Variants in SQSTM1 observed in about 807,000 individuals in gnomAD.
SQSTM1 encodes sequestosome-1.
SQSTM1 carries 36 observed loss-of-function variants against 45.1 expected under a neutral mutation model. The ratio of observed to expected loss-of-function variants is 0.80; its 90% CI spans 0.61 to 1.05. The LOEUF is 1.05. SQSTM1 is among the 50% of genes least tolerant of loss of function. The pLI, the probability that SQSTM1 is intolerant of heterozygous loss-of-function variation, is 0.00. For synonymous variants in SQSTM1, 290 were observed against 244.3 expected (o/e 1.19, Z -1.74); for missense variants, 617 against 607.1 (o/e 1.02, Z -0.17).
chr5:179,832,347 CCT>C lies in SQSTM1; in HGVS notation c.755-682_755-681del, dbSNP rs752159925. On this transcript the variant is annotated intron_variant, in intron 5 of 7. Coordinates refer to ENST00000389805, the MANE Select transcript of SQSTM1 (RefSeq NM_003900.5). ...TCAAAAATAGTGCAGGTGATTCTCCCCTCTGTCCCTGGTGAGTCACGTGAGCC... is the reference window on the plus strand; with the variant it reads ...TCAAAAATAGTGCAGGTGATTCTCCCCTGTCCCTGGTGAGTCACGTGAGCC... Among the ~76,000 whole-genome samples, 8 of 152,330 alleles carry C rather than the reference CCT, an allele frequency of 5.3e-5. 1 individual carries two copies. The highest frequency in any genetic ancestry group is 1.2e-4 in the African/African-American group (5 of 41,580).
intron 4 of SQSTM1, among the ~76,000 whole-genome samples, chr5:179,824,588 C>T (rs534686897): frequency 6.6e-6 from 1 of 152,272 alleles, no homozygotes; most frequent in African/African-American, 2.4e-5. Flanking sequence ...TCTCAAGGTA[C>T]CCTGAGGTGC....
chr5:179,833,257 G>A lies in SQSTM1; in HGVS notation c.969+11G>A. The A allele has an allele frequency of 6.4e-7, 1 of 1,561,416 alleles. No homozygotes were observed. Among genetic ancestry groups the A allele is most frequent in the Non-Finnish European group, 8.6e-7 (1 of 1,158,118 alleles). On this transcript the variant is annotated intron_variant, in intron 6 of 7. Transcript: ENST00000389805. Reference sequence around the variant, plus strand: ...GAGGGGCGCCCTGAGGCAAGCCTGTGCCCCTCCCGCCACCTGGGACCACGG... The same window carrying A: ...GAGGGGCGCCCTGAGGCAAGCCTGTACCCCTCCCGCCACCTGGGACCACGG...
chr5:179,834,667 C>T (rs1418980580), intron 7 of SQSTM1, among the ~76,000 whole-genome samples: 18 of 152,036 alleles, frequency 1.2e-4, no homozygotes, highest in Admixed American at 6.5e-4. Context: ...CATCTTGCAC[C>T]GCCCTTAATC....
intron 4 of SQSTM1, among the ~76,000 whole-genome samples, 199 bp from the exon 5 acceptor site, chr5:179,824,947 G>A (rs1757933107): frequency 6.6e-6 from 1 of 152,050 alleles, no homozygotes; most frequent in Non-Finnish European, 1.5e-5. Context: ...TGGCACGGGA[G>A]AGTGGAGATG....
At chr5:179,833,808 A>ATATTCCTAC (rs770154138) in intron 7 of SQSTM1, 26 bp downstream of exon 7, 1 of 1,612,926 alleles carries the variant, frequency 6.2e-7, no homozygotes, top group East Asian at 2.2e-5. Context: ...GGTTTTGTAC[A>ATATTCCTAC]TATTCCTACC....
At chr5:179,809,325 AT>A (rs71001049) in intron 1 of SQSTM1, among the ~76,000 whole-genome samples, 73 of 41,064 alleles carry the variant, frequency 1.8e-3, no homozygotes, top group African/African-American at 7.0e-3. Flanking sequence ...CGCCTGGCTA[AT>A]TTTTTTTTTT....
At chr5:179,818,040 A>T (rs1757637571), upstream of SQSTM1, among the ~76,000 whole-genome samples, 4 of 146,514 alleles carry the variant, frequency 2.7e-5, no homozygotes, top group Admixed American at 2.1e-4. Flanking sequence ...AAAAAAAAAA[A>T]GTGATGTCCA....
rs1158244313 is a variant in SQSTM1 at position 179,837,955 on chromosome 5, T to C, written c.*1362T>C. 1.4e-6 allele frequency: 2 copies of C among 1,447,494 alleles called. No individual in the cohort carries two copies. Among genetic ancestry groups the C allele is most frequent in the East Asian group, 2.3e-5 (1 of 43,784 alleles). 89.7% of individuals were successfully genotyped at this position (1,447,494 alleles called of 1,614,324 possible). On this transcript the variant is annotated 3_prime_UTR_variant, in exon 8 of 8. Coordinates refer to ENST00000389805, the MANE Select transcript of SQSTM1 (RefSeq NM_003900.5). ...CAGGGCCCAGGAGGACCGCCTGCCCTGCCTGGGCCTTGGCTGGGCCTCTGG... is the reference window on the plus strand; with the variant it reads ...CAGGGCCCAGGAGGACCGCCTGCCCCGCCTGGGCCTTGGCTGGGCCTCTGG...
intron 1 of SQSTM1, among the ~76,000 whole-genome samples, chr5:179,809,467 G>C (rs1757326916): frequency 1.4e-5 from 2 of 147,938 alleles, no homozygotes; most frequent in Non-Finnish European, 3.0e-5. Flanking sequence ...CTCCTGAGTA[G>C]CTGGGATTAC....
chr5:179,824,439 C>T (rs567174), intron 4 of SQSTM1, 116 bp downstream of exon 4: 1 of 1,446,996 alleles, frequency 6.9e-7, no homozygotes. Flanking sequence ...CCCCCACCTT[C>T]CTGGTGCCCT....
At chr5:179,818,048 C>T (rs1418956894), upstream of SQSTM1, among the ~76,000 whole-genome samples, 1 of 139,984 alleles carries the variant, frequency 7.1e-6, no homozygotes, top group Non-Finnish European at 1.5e-5. Flanking sequence ...AAAGTGATGT[C>T]CAGTGCCTGG....
Position 179,824,231 on chromosome 5 carries a change from G to A in SQSTM1, c.581G>A (p.Gly194Glu), listed in dbSNP as rs770216826. ...CGGAAGGTGAAACACGGACACTTCGGGTGGCCAGGATGGGAAATGGGTCCA... is the reference window on the plus strand; with the variant it reads ...CGGAAGGTGAAACACGGACACTTCGAGTGGCCAGGATGGGAAATGGGTCCA... ...WLRKVKHGHF[G>E]WPGWEMGPPG... The change falls in exon 4 of 8, where the codon GGG (glycine) becomes GAG (glutamate). Residue 194 changes from glycine (G) to glutamate (E), a missense_variant. By Grantham distance (98) the Gly-to-Glu change is moderately conservative (BLOSUM62 -2). Transcript: ENST00000389805. 2 of 1,613,856 alleles carry A rather than the reference G, an allele frequency of 1.2e-6. No homozygotes were observed. The highest frequency in any genetic ancestry group is 1.7e-5 in the Admixed American group (1 of 60,034).
rs1387415599 is a variant in SQSTM1, at chr5:179,838,046, A to G, written c.*1453A>G. 18 of 657,016 alleles carry G rather than the reference A, an allele frequency of 2.7e-5. No homozygotes were observed. The South Asian group carries it at 3.1e-4, about 11-fold the overall frequency. 40.7% of individuals were successfully genotyped at this position (657,016 alleles called of 1,614,324 possible). On this transcript the variant is annotated 3_prime_UTR_variant, in exon 8 of 8. Transcript: ENST00000389805. Reference sequence around the variant, plus strand: ...CTTTGATTTTGAGGGTTAGCAAGACAAAGCAAATAAATGCCTTCCACCTCA... The same window carrying G: ...CTTTGATTTTGAGGGTTAGCAAGACGAAGCAAATAAATGCCTTCCACCTCA...
chr5:179,827,413 T>C (rs747748995), intron 5 of SQSTM1, among the ~76,000 whole-genome samples: 2 of 151,932 alleles, frequency 1.3e-5, no homozygotes, highest in Non-Finnish European at 2.9e-5. Context: ...GCCTCCCGAG[T>C]AGCTGGGACC....
intron 2 of SQSTM1, chr5:179,812,287 G>T (rs1757451351): frequency 6.7e-6 from 1 of 149,342 alleles, no homozygotes; most frequent in African/African-American, 2.6e-5. Context: ...CTCCTTCCAG[G>T]GCAGCAGTTG....
chr5:179,819,417 C>A (rs1443577741), upstream of SQSTM1, among the ~76,000 whole-genome samples: 3 of 152,072 alleles, frequency 2.0e-5, no homozygotes, highest in Non-Finnish European at 2.9e-5. Context: ...CAAAGGAGCT[C>A]CTTCTTGGGG....
chr5:179,833,334 C>T, intron 6 of SQSTM1, 88 bp downstream of exon 6: 1 of 1,309,468 alleles, frequency 7.6e-7, no homozygotes, highest in Non-Finnish European at 1.1e-6. Flanking sequence ...AGCACCTCTG[C>T]AGCCCCACTT....
rs375411629 is a variant in SQSTM1 at position 179,823,958 on chromosome 5, T to C, written c.402T>C (p.Pro134=). The change falls in exon 3 of 8, where the codon CCT becomes CCC. Residue 134 remains proline (P), a synonymous_variant. Coordinates refer to ENST00000389805, the MANE Select transcript of SQSTM1 (RefSeq NM_003900.5). ...TGATCTGCGATGGCTGCAATGGGCC[T>C]GTGGTAGGAACCCGCTACAAGTGCA... ...PNVICDGCNG[P]VVGTRYKCSV... The C allele has an allele frequency of 1.9e-5, 30 of 1,613,940 alleles. No individual in the cohort carries two copies. The highest frequency in any genetic ancestry group is 2.5e-5 in the Non-Finnish European group (29 of 1,180,052).
chr5:179,837,548 AC>A lies in SQSTM1; in HGVS notation c.*956del, dbSNP rs756422494. ...GCAAGGCCTCTCAGACCCAGATGTG[AC>A]GGGGTGTGTGGCCCGAGGAAGCTGG... is the stretch of plus-strand genomic sequence containing the variant. On this transcript the variant is annotated 3_prime_UTR_variant, in exon 8 of 8. Transcript: ENST00000389805. The A allele has an allele frequency of 6.2e-7, 1 of 1,614,162 alleles. No individual in the cohort carries two copies. Among genetic ancestry groups the A allele is most frequent in the Non-Finnish European group, 8.5e-7 (1 of 1,180,014 alleles).
Sources: gnomAD v4.1 joint callset for allele counts (sites outside exome capture counted in the v4.1 genomes callset) on GRCh38, gnomAD v4.1.1 for gene constraint, MANE v1.5 for transcripts, NCBI Gene and HGNC (gene_info 2026-07-23, HGNC 2026-07-21) for gene names.